Variants in WARS2 observed in about 807,000 individuals in gnomAD.
WARS2 encodes tryptophanyl tRNA synthetase 2, mitochondrial, also known as tryptophan--tRNA ligase, mitochondrial.
Under a neutral mutation model 36.5 loss-of-function variants are expected in WARS2, and 28 were observed. That is an observed-to-expected ratio of 0.77 (90% confidence interval 0.57 to 1.05). The LOEUF (loss-of-function observed/expected upper bound fraction) is 1.05, where lower values mean the gene tolerates loss of function less well. Among genes scored for constraint, WARS2 ranks in the 50% least tolerant of loss-of-function variants. The pLI is 0.00. For synonymous variants in WARS2, 174 were observed against 178.4 expected, an observed-to-expected ratio of 0.98 and a Z score of 0.20; for missense variants, 435 against 456.8, an observed-to-expected ratio of 0.95 and a Z score of 0.44.
intron 1 of WARS2, among the ~76,000 whole-genome samples, chr1:119,093,839 C>G (rs1220455219): frequency 6.6e-6 from 1 of 152,186 alleles, no homozygotes; most frequent in Non-Finnish European, 1.5e-5. Context: ...GTCAGTTGTT[C>G]AGGATCTGTA....
chr1:119,119,322 C>G (rs761896930), intron 1 of WARS2, among the ~76,000 whole-genome samples: 1 of 151,912 alleles, frequency 6.6e-6, no homozygotes, highest in Non-Finnish European at 1.5e-5. Context: ...AAAAGACAAA[C>G]AGAGACATTA....
Position 119,140,632 on chromosome 1 carries a change from A to T in WARS2, c.13T>A (p.Ser5Thr). The change falls in exon 1 of 6, where the codon TCA becomes ACA. Residue 5 changes from serine to threonine, a missense_variant. By Grantham distance (58) the Ser-to-Thr change is moderately conservative. Coordinates refer to ENST00000235521, the MANE Select transcript of WARS2 (RefSeq NM_015836.4). MALH[S>T]MRKARERWSF... The stretch of plus-strand genomic sequence containing the variant: ...CAGCGCTCACGCGCTTTCCGCATTG[A>T]GTGCAGCGCCATCTTGAGAAGGGCG... 1 of 1,613,062 alleles carries T rather than the reference A, an allele frequency of 6.2e-7. No individual in the cohort carries two copies. Among genetic ancestry groups the T allele is most frequent in the Non-Finnish European group, 8.5e-7 (1 of 1,179,386 alleles).
intron 1 of WARS2, chr1:119,085,982 G>T (rs1340049853): frequency 9.4e-5 from 151 of 1,606,388 alleles, no homozygotes; most frequent in Non-Finnish European, 1.3e-4. Flanking sequence ...CAGCGTTCAG[G>T]TATCAGTGCC....
chr1:119,137,061 G>A (rs1195047106), intron 1 of WARS2, among the ~76,000 whole-genome samples: 1 of 152,148 alleles, frequency 6.6e-6, no homozygotes, highest in Non-Finnish European at 1.5e-5. Context: ...AAAGCTAAAT[G>A]CATTGTGGGA....
chr1:119,128,062 T>C (rs1400448813), intron 1 of WARS2, among the ~76,000 whole-genome samples: 1 of 152,022 alleles, frequency 6.6e-6, no homozygotes, highest in Non-Finnish European at 1.5e-5. Flanking sequence ...CTGTAAATTC[T>C]TTTTTTTAAA....
intron 2 of WARS2, among the ~76,000 whole-genome samples, chr1:119,056,186 A>ATTTTTTTTTT (rs751264352): frequency 6.9e-5 from 8 of 116,144 alleles, no homozygotes; most frequent in Non-Finnish European, 7.0e-5. Flanking sequence ...TGCCTGGCTA[A>ATTTTTTTTTT]TTTTTTTTTT....
chr1:119,109,797 C>CT (rs587623961), intron 1 of WARS2, among the ~76,000 whole-genome samples: 37 of 151,344 alleles, frequency 2.4e-4, no homozygotes, highest in South Asian at 1.0e-3. Context: ...ACTTTTCTGC[C>CT]TTTTTTTTGT....
At chr1:119,085,098 C>A in intron 1 of WARS2, 1 of 774,626 alleles carries the variant, frequency 1.3e-6, no homozygotes, top group Non-Finnish European at 2.4e-6. Context: ...ACCTCTACTT[C>A]TATGACTACG....
chr1:119,076,201 A>C (rs764889737), intron 2 of WARS2, 149 bp downstream of exon 2: 4 of 961,920 alleles, frequency 4.2e-6, no homozygotes, highest in Non-Finnish European at 6.0e-6. Context: ...ATACAAGTAA[A>C]ACATTAAGCT....
intron 3 of WARS2, 23 bp downstream of exon 3, chr1:119,045,559 T>C (rs753869101): frequency 2.6e-6 from 4 of 1,565,126 alleles, no homozygotes; most frequent in Non-Finnish European, 2.6e-6. Flanking sequence ...TGTCTGTTTA[T>C]TAATCAGATT....
At chr1:119,109,734 T>C (rs776301963) in intron 1 of WARS2, among the ~76,000 whole-genome samples, 23 of 151,936 alleles carry the variant, frequency 1.5e-4, no homozygotes, top group South Asian at 2.1e-4. Context: ...ACATCTACCA[T>C]TTTTGCTACT....
At chr1:119,085,385 T>C in intron 1 of WARS2, 1 of 1,395,838 alleles carries the variant, frequency 7.2e-7, no homozygotes. Context: ...CCTCTTCCTT[T>C]ACTGTCTTGC....
chr1:119,079,169 G>A (rs34182963), intron 1 of WARS2, among the ~76,000 whole-genome samples: 8,335 of 151,794 alleles, frequency 0.055, 424 homozygotes, highest in East Asian at 0.19. Flanking sequence ...AAATTCCATC[G>A]CCATCATAAA....
At chr1:119,120,325 A>G (rs1655247441) in intron 1 of WARS2, among the ~76,000 whole-genome samples, 1 of 152,026 alleles carries the variant, frequency 6.6e-6, no homozygotes, top group African/African-American at 2.4e-5. Flanking sequence ...AATTCCTGGA[A>G]ATATACAAAC....
intron 1 of WARS2, among the ~76,000 whole-genome samples, chr1:119,086,541 G>A (rs1652683331): frequency 6.6e-6 from 1 of 152,154 alleles, no homozygotes; most frequent in South Asian, 2.1e-4. Context: ...CAGTGGGGGA[G>A]CTCTGGTGGG....
In WARS2 at chr1:119,076,486, T is replaced by C; in HGVS notation, c.212A>G (p.Tyr71Cys). The C allele has an allele frequency of 6.2e-7, 1 of 1,614,148 alleles. No individual in the cohort carries two copies. The highest frequency in any genetic ancestry group is 8.5e-7 in the Non-Finnish European group (1 of 1,180,022). ...AATGGAGTGGAGGTCAACAATGCTGTATAATACAGAGTCATATTCATCCTG... is the reference window on the plus strand; with the variant it reads ...AATGGAGTGGAGGTCAACAATGCTGCATAATACAGAGTCATATTCATCCTG... Reference protein sequence around the residue: ...RLQDEYDSVLYSIVDLHSITV... With the variant: ...RLQDEYDSVLCSIVDLHSITV... The change falls in exon 2 of 6, where the codon TAC becomes TGC. Residue 71 changes from tyrosine to cysteine, a missense_variant. Coordinates refer to ENST00000235521, the MANE Select transcript of WARS2 (RefSeq NM_015836.4).
At chr1:119,120,151 T>C (rs1655237694) in intron 1 of WARS2, among the ~76,000 whole-genome samples, 1 of 151,888 alleles carries the variant, frequency 6.6e-6, no homozygotes, top group African/African-American at 2.4e-5. Flanking sequence ...ACAAAATCGA[T>C]ACACATTAGT....
chr1:119,136,723 C>T (rs1656537175), intron 1 of WARS2, among the ~76,000 whole-genome samples: 1 of 152,190 alleles, frequency 6.6e-6, no homozygotes, highest in Non-Finnish European at 1.5e-5. Context: ...CAGAAACCTA[C>T]AATAACAAAT....
At chr1:119,057,074 C>CTGG (rs1389177046) in intron 2 of WARS2, among the ~76,000 whole-genome samples, 1 of 152,112 alleles carries the variant, frequency 6.6e-6, no homozygotes, top group African/African-American at 2.4e-5. Context: ...AGTGGGTGAA[C>CTGG]TGGTATCTTA....
Sources: gnomAD v4.1 joint callset for allele counts (sites outside exome capture counted in the v4.1 genomes callset) on GRCh38, gnomAD v4.1.1 for gene constraint, MANE v1.5 for transcripts, NCBI Gene and HGNC (gene_info 2026-07-23, HGNC 2026-07-21) for gene names.